The following MAPT variants were observed in gnomAD, a reference collection of about 807,000 sequenced individuals.
The protein encoded by MAPT is microtubule-associated protein tau.
A neutral mutation model predicts 67.9 loss-of-function variants in MAPT; 34 were observed. The ratio of observed to expected loss-of-function variants is 0.50; its 90% CI spans 0.38 to 0.67. The LOEUF is 0.67. MAPT is among the 30% of genes least tolerant of loss of function. The pLI, the probability that MAPT is intolerant of heterozygous loss-of-function variation, is 0.00. For synonymous variants in MAPT, 456 were observed against 464.5 expected (o/e 0.98, Z 0.23); for missense variants, 881 against 1,115.2 (o/e 0.79, Z 2.99).
chr17:45,994,106 G>A, intron 8 of MAPT: 1 of 818,684 alleles, frequency 1.2e-6, no homozygotes, highest in East Asian at 2.7e-5. Flanking sequence ...GCAGCCTGAA[G>A]ATGGAGCAGT....
chr17:45,999,223 A>T, intron 9 of MAPT: 2 of 1,559,766 alleles, frequency 1.3e-6, no homozygotes, highest in Non-Finnish European at 1.7e-6. Flanking sequence ...CTCTTCTTAA[A>T]GCCCCTGTAA....
At chr17:45,973,313 T>C (rs2071926158) in intron 3 of MAPT, 1 of 152,256 alleles carries the variant, frequency 6.6e-6, no homozygotes. Flanking sequence ...AGACACTTCC[T>C]GCTCATCTTG....
At chr17:46,007,486 C>G (rs2075532823) in intron 9 of MAPT, among the ~76,000 whole-genome samples, 1 of 151,622 alleles carries the variant, frequency 6.6e-6, no homozygotes, top group African/African-American at 2.4e-5. Flanking sequence ...GAGCTTGTCT[C>G]TATTTTAAAA....
At chr17:46,019,537 T>G (rs930260866) in intron 12 of MAPT, among the ~76,000 whole-genome samples, 4 of 151,932 alleles carry the variant, frequency 2.6e-5, no homozygotes, top group Non-Finnish European at 5.9e-5. Flanking sequence ...TGGCTAAATA[T>G]TTTGTATTTC....
At chr17:45,914,221 A>AGGGTGTGGGCAGCCAGGGTGTG (rs1555677734) in intron 1 of MAPT, among the ~76,000 whole-genome samples, 10 of 152,132 alleles carry the variant, frequency 6.6e-5, no homozygotes, top group South Asian at 2.1e-4. Flanking sequence ...GTGGGCAGCC[A>AGGGTGTGGGCAGCCAGGGTGTG]GGCTGCCACG....
chr17:46,011,369 C>T (rs2075806731), intron 10 of MAPT, among the ~76,000 whole-genome samples: 1 of 152,180 alleles, frequency 6.6e-6, no homozygotes. Flanking sequence ...GCACTTCAAC[C>T]TAGGCAACAG....
At chr17:45,970,315 C>T (rs2145440884) in intron 2 of MAPT, among the ~76,000 whole-genome samples, 1 of 152,154 alleles carries the variant, frequency 6.6e-6, no homozygotes, top group African/African-American at 2.4e-5. Flanking sequence ...AATTATACAT[C>T]CATCTAATCA....
rs769508431 is a variant in MAPT, at chr17:45,950,482, G to A, written c.-17-11839G>A. Reference sequence around the variant, plus strand: ...GGGGTTCTTGGAGGCCCCAGCCTTGGCAAAATGAGGAAGAAGGTGAAGGTT... The same window carrying A: ...GGGGTTCTTGGAGGCCCCAGCCTTGACAAAATGAGGAAGAAGGTGAAGGTT... On this transcript the variant is annotated intron_variant, in intron 1 of 12. Coordinates refer to ENST00000262410, the MANE Select transcript of MAPT (RefSeq NM_001377265.1). 4.6e-5 allele frequency among the ~76,000 whole-genome samples: 7 copies of A among 152,028 alleles called. No individual in the cohort carries two copies. The South Asian group carries it at 1.5e-3, about 32-fold the overall frequency.
rs1294513190 is a variant in MAPT at position 45,997,714 on chromosome 17, A to G, written c.1998+1050A>G. Among the ~76,000 whole-genome samples the G allele has an allele frequency of 4.6e-5, 7 of 152,158 alleles. No homozygotes were observed. The East Asian group carries it at 1.2e-3, about 25-fold the overall frequency. On this transcript the variant is annotated intron_variant, in intron 9 of 12. Transcript: ENST00000262410. Reference sequence around the variant, plus strand: ...GGCAGAGGTTGCAGTGAGCCGAGATAGTGCCACTGCACTCCAGTTTGAGCA... The same window carrying G: ...GGCAGAGGTTGCAGTGAGCCGAGATGGTGCCACTGCACTCCAGTTTGAGCA...
In MAPT at chr17:45,915,062, A is replaced by G. The variant is rs1360683357; in HGVS notation, c.-18+20376A>G. 6.6e-6 allele frequency among the ~76,000 whole-genome samples: 1 copy of G among 152,188 alleles called. No individual in the cohort carries two copies. The highest frequency in any genetic ancestry group is 1.9e-4 in the East Asian group (1 of 5,198). On this transcript the variant is annotated intron_variant, in intron 1 of 12. Transcript: ENST00000262410. This position sits in a 1 kb window ranked among gnomAD's most constrained non-coding sequence, Gnocchi z 4.4. ...AAATGCATGTATACGCTCAGGCATC[A>G]GCACACTTGGAAAGGATGAAAATAT...
chr17:45,910,562 A>T (rs1206892020), intron 1 of MAPT, among the ~76,000 whole-genome samples: 3 of 152,134 alleles, frequency 2.0e-5, no homozygotes, highest in East Asian at 1.9e-4. Context: ...AAGACAAAAA[A>T]AAAGTGTTTT....
chr17:46,009,910 C>T (rs534440452), intron 9 of MAPT, among the ~76,000 whole-genome samples: 11 of 152,266 alleles, frequency 7.2e-5, no homozygotes, highest in African/African-American at 2.4e-4. Flanking sequence ...GTGGAGATGC[C>T]GGGGAACTTC....
At chr17:45,932,036 T>C (rs867397628) in intron 1 of MAPT, 2 of 151,704 alleles carry the variant, frequency 1.3e-5, no homozygotes, top group South Asian at 2.1e-4. Context: ...TGAGGCAAGA[T>C]TGCACCACTG....
At chr17:46,001,177 C>G (rs1388836207) in intron 9 of MAPT, among the ~76,000 whole-genome samples, 1 of 151,974 alleles carries the variant, frequency 6.6e-6, no homozygotes, top group Non-Finnish European at 1.5e-5. Context: ...TGCAATGAGC[C>G]ATGTTCACAC....
At chr17:45,948,041 C>CT (rs66752503) in intron 1 of MAPT, among the ~76,000 whole-genome samples, 21,764 of 151,978 alleles carry the variant, frequency 0.14, 2,123 homozygotes, top group Non-Finnish European at 0.22. Flanking sequence ...GAGTCTTACT[C>CT]TGTCACCCAG....
At chr17:45,999,050 G>A (rs531789005) in intron 9 of MAPT, among the ~76,000 whole-genome samples, 56 of 152,162 alleles carry the variant, frequency 3.7e-4, no homozygotes, top group East Asian at 9.7e-4. Flanking sequence ...GCTGCTCCCC[G>A]TCTGGGGTTC....
chr17:45,966,361 G>T (rs1024064546), intron 2 of MAPT, among the ~76,000 whole-genome samples: 59 of 152,298 alleles, frequency 3.9e-4, no homozygotes, highest in African/African-American at 1.4e-3. Flanking sequence ...GCTGAGGCAG[G>T]TGGATTGCTT....
At chr17:45,956,186 T>A (rs1408353082) in intron 1 of MAPT, among the ~76,000 whole-genome samples, 1 of 152,190 alleles carries the variant, frequency 6.6e-6, no homozygotes. Flanking sequence ...TCTGTCTCTG[T>A]GCAAAGGAAT....
chr17:45,962,007 T>C (rs1314621890), intron 1 of MAPT, among the ~76,000 whole-genome samples: 2 of 152,150 alleles, frequency 1.3e-5, no homozygotes, highest in African/African-American at 4.8e-5. Flanking sequence ...TCCCCTGACC[T>C]CAGGTGATCC....
Sources: gnomAD v4.1 joint callset for allele counts (sites outside exome capture counted in the v4.1 genomes callset) on GRCh38, gnomAD v4.1.1 for gene constraint, Gnocchi (gnomAD v3.1) non-coding constraint, MANE v1.5 for transcripts, NCBI Gene and HGNC (gene_info 2026-07-23, HGNC 2026-07-21) for gene names.